The following LPGAT1 variants were observed in gnomAD, a reference collection of about 807,000 sequenced individuals.
LPGAT1 encodes the protein acyl-CoA:lysophosphatidylglycerol acyltransferase 1.
In LPGAT1, 11 loss-of-function variants were observed where a neutral mutation model predicts 47.5. The ratio of observed to expected loss-of-function variants is 0.23; its 90% CI spans 0.15 to 0.38. The LOEUF (loss-of-function observed/expected upper bound fraction) is 0.38. Among genes scored for constraint, LPGAT1 ranks in the 10% least tolerant of loss-of-function variants. LPGAT1 has a pLI of 1.00. For missense variants in LPGAT1, 293 were observed against 439.0 expected, an observed-to-expected ratio of 0.67 and a Z score of 2.97; for synonymous variants, 138 against 144.2, an observed-to-expected ratio of 0.96 and a Z score of 0.31.
intron 2 of LPGAT1, among the ~76,000 whole-genome samples, chr1:211,797,601 G>A (rs778474440): frequency 5.3e-5 from 8 of 152,132 alleles, no homozygotes; most frequent in Non-Finnish European, 1.2e-4. Context: ...GTATTAAAAT[G>A]TTTGTAGTGA....
rs1044380690 is a variant in LPGAT1 at position 211,830,449 on chromosome 1, C to T, written c.-28+124G>A. 3,314 of 1,178,600 alleles carry T rather than the reference C, an allele frequency of 2.8e-3. 7 individuals carry two copies. Among genetic ancestry groups the T allele is most frequent in the Middle Eastern group, 5.4e-3 (16 of 2,954 alleles). 73.0% of individuals were successfully genotyped at this position (1,178,600 alleles called of 1,614,324 possible). A position where few individuals can be genotyped will look rare whatever the true frequency, so the allele number is the denominator to read the frequency against. ...TCCCCGGGGCCTACCGCGCCCTCGTCCCTCAGGCCGCTGCCGCCTCCCCGG... is the reference window on the plus strand; with the variant it reads ...TCCCCGGGGCCTACCGCGCCCTCGTTCCTCAGGCCGCTGCCGCCTCCCCGG... On this transcript the variant is annotated intron_variant, in intron 1 of 7. Coordinates refer to ENST00000366997, the MANE Select transcript of LPGAT1 (RefSeq NM_014873.3). The surrounding 1 kb of genome is among the most constrained non-coding windows in gnomAD (Gnocchi z 5.9).
chr1:211,824,138 C>G (rs564720687), intron 2 of LPGAT1, among the ~76,000 whole-genome samples: 1 of 152,096 alleles, frequency 6.6e-6, no homozygotes. Flanking sequence ...CTCACCACGC[C>G]TGTAATCCCA....
intron 2 of LPGAT1, among the ~76,000 whole-genome samples, chr1:211,812,213 T>G (rs1166647437): frequency 1.3e-5 from 2 of 152,152 alleles, no homozygotes. Context: ...GTAAAAAGGC[T>G]TGGGAGGGCT....
chr1:211,779,554 G>GT (rs1270238265), intron 5 of LPGAT1, among the ~76,000 whole-genome samples: 2 of 152,122 alleles, frequency 1.3e-5, no homozygotes, highest in African/African-American at 4.8e-5. Context: ...TGCTGCTCTT[G>GT]TTTAAGACAA....
At chr1:211,813,577 T>C (rs1192957411) in intron 2 of LPGAT1, among the ~76,000 whole-genome samples, 1 of 152,336 alleles carries the variant, frequency 6.6e-6, no homozygotes, top group Non-Finnish European at 1.5e-5. Context: ...GAAAATTTTA[T>C]TGACAAAATT....
At chr1:211,763,162 T>C (rs759688934) in intron 6 of LPGAT1, among the ~76,000 whole-genome samples, 2 of 152,244 alleles carry the variant, frequency 1.3e-5, no homozygotes, top group Non-Finnish European at 2.9e-5. Context: ...AAGAATGCTA[T>C]GGTTTGAATG....
intron 2 of LPGAT1, among the ~76,000 whole-genome samples, chr1:211,820,738 A>G (rs1660342112): frequency 6.6e-6 from 1 of 152,182 alleles, no homozygotes; most frequent in African/African-American, 2.4e-5. Flanking sequence ...ACATATAACT[A>G]AGGTCTCCAA....
At chr1:211,829,025 C>A (rs748571763) in intron 2 of LPGAT1, 34 bp downstream of exon 2, 3 of 1,600,382 alleles carry the variant, frequency 1.9e-6, no homozygotes, top group Non-Finnish European at 2.6e-6. Flanking sequence ...CAAATTTTTT[C>A]TTATGCATTA....
rs1209860798 is a variant in LPGAT1 at position 211,784,940 on chromosome 1, A to G, written c.454-1438T>C. On this transcript the variant is annotated intron_variant, in intron 4 of 7. Transcript: ENST00000366997. ...TGCCTCAGCCTCCCGAGTAGCTGGG[A>G]CTACAGGCGCCTGCCACCACACCCG... 2.0e-5 allele frequency among the ~76,000 whole-genome samples: 3 copies of G among 151,516 alleles called. No homozygotes were observed. The East Asian group carries it at 5.8e-4, about 29-fold the overall frequency.
rs1660699496 is a variant in LPGAT1, at chr1:211,830,495, C to G, written c.-28+78G>C. 2 of 1,194,342 alleles carry G rather than the reference C, an allele frequency of 1.7e-6. No individual in the cohort carries two copies. Among genetic ancestry groups the G allele is most frequent in the African/African-American group, 1.6e-5 (1 of 62,956 alleles). 74.0% of individuals were successfully genotyped at this position (1,194,342 alleles called of 1,614,324 possible). ...CCCGGGCCACGCGACGACGACACCC[C>G]CTTCCCCGCCCCCAGCGCCTCCCCT... is the stretch of plus-strand genomic sequence containing the variant. On this transcript the variant is annotated intron_variant, in intron 1 of 7. Transcript: ENST00000366997. The surrounding 1 kb of genome is among the most constrained non-coding windows in gnomAD (Gnocchi z 5.9).
chr1:211,817,986 C>G (rs1253351639), intron 2 of LPGAT1, among the ~76,000 whole-genome samples: 1 of 152,014 alleles, frequency 6.6e-6, no homozygotes, highest in Non-Finnish European at 1.5e-5. Flanking sequence ...AGGTATGCAC[C>G]ACCACACCAG....
intron 6 of LPGAT1, among the ~76,000 whole-genome samples, chr1:211,772,236 C>T (rs56225609): frequency 0.084 from 12,742 of 152,264 alleles, 657 homozygotes; most frequent in Admixed American, 0.15. Flanking sequence ...TCAATCATAA[C>T]GTGAGTTCAC....
chr1:211,824,630 G>A (rs1660478066), intron 2 of LPGAT1, among the ~76,000 whole-genome samples: 1 of 152,108 alleles, frequency 6.6e-6, no homozygotes, highest in Non-Finnish European at 1.5e-5. Flanking sequence ...CTCAAATGTT[G>A]ACTGCACTTA....
rs6661013 is a variant in LPGAT1 at position 211,794,287 on chromosome 1, T to C, written c.239-1097A>G. Among the ~76,000 whole-genome samples, 1,208 of 152,252 alleles carry C rather than the reference T, an allele frequency of 7.9e-3. 21 individuals are homozygous for C. Among genetic ancestry groups the C allele is most frequent in the African/African-American group, 0.027 (1,125 of 41,540 alleles). On this transcript the variant is annotated intron_variant, in intron 2 of 7. Coordinates refer to ENST00000366997, the MANE Select transcript of LPGAT1 (RefSeq NM_014873.3). ...GGTATTTCTATGTAGTTATGCCTCA[T>C]TTCATTTTATATTTATTTTTAACTT...
chr1:211,765,359 T>C (rs1657864128), intron 6 of LPGAT1, among the ~76,000 whole-genome samples: 1 of 152,212 alleles, frequency 6.6e-6, no homozygotes, highest in Admixed American at 6.5e-5. Flanking sequence ...ATAAGTTAAA[T>C]GAAAAGGTTA....
At chr1:211,825,023 A>C (rs1045658561) in intron 2 of LPGAT1, among the ~76,000 whole-genome samples, 1 of 152,014 alleles carries the variant, frequency 6.6e-6, no homozygotes, top group African/African-American at 2.4e-5. Flanking sequence ...CAATTTAAGG[A>C]AAACTGTTTG....
chr1:211,757,028 G>A (rs1001199321), intron 6 of LPGAT1, among the ~76,000 whole-genome samples: 2 of 152,028 alleles, frequency 1.3e-5, no homozygotes, highest in Admixed American at 6.6e-5. Context: ...GGAGGCTGAG[G>A]TGGGCAGATC....
At position 211,798,230 on chromosome 1, in the gene LPGAT1, A is replaced by T. The variant is rs906880378; in HGVS notation, c.239-5040T>A. 1.3e-5 allele frequency among the ~76,000 whole-genome samples: 2 copies of T among 152,232 alleles called. 1 individual carries two copies. The highest frequency in any genetic ancestry group is 4.1e-4 in the South Asian group (2 of 4,832). On this transcript the variant is annotated intron_variant, in intron 2 of 7. Coordinates refer to ENST00000366997, the MANE Select transcript of LPGAT1 (RefSeq NM_014873.3). ...TCATTTTCTCACTTATGAAACAATA[A>T]TATCATTAATGCTACGTAAACATGT... is the stretch of plus-strand genomic sequence containing the variant.
chr1:211,797,545 A>G (rs1163306367), intron 2 of LPGAT1, among the ~76,000 whole-genome samples: 2 of 152,278 alleles, frequency 1.3e-5, no homozygotes, highest in East Asian at 3.9e-4. Context: ...CTTTTAGAGC[A>G]TAATTTAAGG....
Sources: gnomAD v4.1 joint callset for allele counts (sites outside exome capture counted in the v4.1 genomes callset) on GRCh38, gnomAD v4.1.1 for gene constraint, Gnocchi (gnomAD v3.1) non-coding constraint, MANE v1.5 for transcripts, NCBI Gene and HGNC (gene_info 2026-07-23, HGNC 2026-07-21) for gene names.